The following SMG6 variants were observed in gnomAD, a reference collection of about 807,000 sequenced individuals.
SMG6 encodes SMG6 nonsense mediated mRNA decay factor.
SMG6 carries 66 observed loss-of-function variants against 142.2 expected under a neutral mutation model. The observed-to-expected ratio is 0.46, with a 90% CI of 0.38 to 0.57. The LOEUF (loss-of-function observed/expected upper bound fraction) is 0.57, where lower values mean the gene tolerates loss of function less well. Ranked by LOEUF, SMG6 falls within the 20% of genes least tolerant of loss-of-function variation. The pLI, the probability that SMG6 is intolerant of heterozygous loss-of-function variation, is 0.00. For synonymous variants in SMG6, 779 were observed against 702.4 expected (o/e 1.11, Z -1.72); for missense variants, 1,793 against 1,832.0 (o/e 0.98, Z 0.39).
intron 8 of SMG6, among the ~76,000 whole-genome samples, chr17:2,259,549 C>T (rs937308264): frequency 1.3e-5 from 2 of 151,642 alleles, no homozygotes; most frequent in South Asian, 2.1e-4. Context: ...TGGTGGCACA[C>T]GCCTGTAGTC....
intron 1 of SMG6, chr17:2,303,366 G>T (rs995883008): frequency 1.5e-4 from 185 of 1,218,996 alleles, no homozygotes; most frequent in Non-Finnish European, 1.8e-4. Context: ...TGGGGCAAAA[G>T]GAACAGTCAC....
intron 10 of SMG6, among the ~76,000 whole-genome samples, chr17:2,195,890 G>A (rs1009834062): frequency 6.6e-5 from 10 of 151,904 alleles, no homozygotes; most frequent in African/African-American, 1.9e-4. Flanking sequence ...ATTTTCACAC[G>A]CCCGTGACTC....
At chr17:2,081,763 G>A in intron 15 of SMG6, 47 bp downstream of exon 15, 1 of 1,606,558 alleles carries the variant, frequency 6.2e-7, no homozygotes, top group Non-Finnish European at 8.5e-7. Flanking sequence ...TCATGCCCTA[G>A]ACAGCAACCC....
intron 17 of SMG6, 61 bp from the exon 18 acceptor site, chr17:2,065,215 AGGAG>A: frequency 2.8e-6 from 4 of 1,412,750 alleles, no homozygotes; most frequent in Non-Finnish European, 4.0e-6. Flanking sequence ...GTGGAGGAGG[AGGAG>A]GGATCCTCTG....
Position 2,186,638 on chromosome 17 carries a change from T to G in SMG6, c.3155+25A>C, listed in dbSNP as rs767164324. 4 of 1,613,190 alleles carry G rather than the reference T, an allele frequency of 2.5e-6. No homozygotes were observed. The African/African-American group carries it at 5.3e-5, about 22-fold the overall frequency. On this transcript the variant is annotated intron_variant, in intron 12 of 18. Coordinates refer to ENST00000263073, the MANE Select transcript of SMG6 (RefSeq NM_017575.5). ...ACGGGCAGGCCCAAGCCAGTGGTGC[T>G]GAAGCAATGGGCAGGTCAACTCACT...
chr17:2,295,789 A>AAC (rs938978418), intron 4 of SMG6, among the ~76,000 whole-genome samples: 2 of 152,072 alleles, frequency 1.3e-5, no homozygotes, highest in Non-Finnish European at 2.9e-5. Context: ...AAGTTCCTGT[A>AAC]ACACACACAC....
chr17:2,152,926 C>A (rs62068035), intron 13 of SMG6, among the ~76,000 whole-genome samples: 1 of 151,914 alleles, frequency 6.6e-6, no homozygotes, highest in East Asian at 1.9e-4. Flanking sequence ...TGCAAATAGC[C>A]CAAATGTTCA....
chr17:2,169,193 C>T (rs373014388), intron 13 of SMG6, among the ~76,000 whole-genome samples: 163 of 151,936 alleles, frequency 1.1e-3, no homozygotes, highest in African/African-American at 1.9e-3. Context: ...CGCTTGAACC[C>T]GGGAGAAAGA....
chr17:2,252,201 CA>C (rs2074062013), intron 8 of SMG6, among the ~76,000 whole-genome samples: 1 of 152,122 alleles, frequency 6.6e-6, no homozygotes, highest in Non-Finnish European at 1.5e-5. Context: ...ATCACGAGGT[CA>C]AGAGATCGAG....
chr17:2,282,901 T>C, intron 7 of SMG6, 42 bp from the exon 8 acceptor site: 3 of 1,597,390 alleles, frequency 1.9e-6, no homozygotes, highest in Non-Finnish European at 2.6e-6. Flanking sequence ...CCTGGTGTGG[T>C]GGCTCACGCC....
At chr17:2,127,138 C>CAAAAAAAAAAA (rs941523968) in intron 13 of SMG6, among the ~76,000 whole-genome samples, 1 of 51,260 alleles carries the variant, frequency 2.0e-5, no homozygotes, top group Non-Finnish European at 4.1e-5. Context: ...GACCTTGTCT[C>CAAAAAAAAAAA]AAAAAAAAAA....
intron 10 of SMG6, among the ~76,000 whole-genome samples, chr17:2,198,275 C>A (rs948907190): frequency 6.6e-6 from 1 of 152,132 alleles, no homozygotes; most frequent in Non-Finnish European, 1.5e-5. Context: ...ATATAATATT[C>A]TTGAAATAAT....
chr17:2,255,598 C>T (rs992828448), intron 8 of SMG6: 19 of 157,508 alleles, frequency 1.2e-4, no homozygotes, highest in Non-Finnish European at 2.2e-4. Flanking sequence ...CCGCCCCGTC[C>T]GGGAGGTGGG....
intron 6 of SMG6, among the ~76,000 whole-genome samples, chr17:2,287,626 A>C (rs1485420695): frequency 6.6e-6 from 1 of 152,220 alleles, no homozygotes; most frequent in Admixed American, 6.5e-5. Flanking sequence ...TATTCACAAT[A>C]GCCAACAGAT....
At chr17:2,263,610 G>T (rs2074362530) in intron 8 of SMG6, among the ~76,000 whole-genome samples, 1 of 152,108 alleles carries the variant, frequency 6.6e-6, no homozygotes, top group Non-Finnish European at 1.5e-5. Context: ...AAGACAGAGG[G>T]TACAGATAGT....
At chr17:2,086,744 C>T (rs539088860) in intron 13 of SMG6, among the ~76,000 whole-genome samples, 31 of 152,300 alleles carry the variant, frequency 2.0e-4, no homozygotes, top group African/African-American at 7.0e-4. Context: ...CACCTGCATG[C>T]CCTCTCCTCC....
chr17:2,266,098 C>G, intron 8 of SMG6: 1 of 985,338 alleles, frequency 1.0e-6, no homozygotes, highest in Middle Eastern at 5.2e-4. Flanking sequence ...TTTCTGTTCA[C>G]CATGCGTGCC....
At chr17:2,069,076 A>C in intron 15 of SMG6, 145 bp from the exon 16 acceptor site, 3 of 765,102 alleles carry the variant, frequency 3.9e-6, no homozygotes, top group African/African-American at 1.8e-5. Context: ...GTCGGGTCTC[A>C]GGGATAGGCC....
rs959119804 is a variant in SMG6, at chr17:2,061,238, G to A, written c.*254C>T. 4.6e-6 allele frequency: 2 copies of A among 434,710 alleles called. No individual in the cohort carries two copies. Among genetic ancestry groups the A allele is most frequent in the East Asian group, 8.8e-5 (2 of 22,706 alleles). 26.9% of individuals were successfully genotyped at this position (434,710 alleles called of 1,614,324 possible). On this transcript the variant is annotated 3_prime_UTR_variant, in exon 19 of 19. Transcript: ENST00000263073. ...GGCCTATCTGGCTTGCCCAGCTGCT[G>A]TTGCTGTAGCCAGCCACCTCCCTGC...
Sources: gnomAD v4.1 joint callset for allele counts (sites outside exome capture counted in the v4.1 genomes callset) on GRCh38, gnomAD v4.1.1 for gene constraint, MANE v1.5 for transcripts, NCBI Gene and HGNC (gene_info 2026-07-23, HGNC 2026-07-21) for gene names.